The following CACNA2D1 variants were observed in gnomAD, a reference collection of about 807,000 sequenced individuals.
CACNA2D1 encodes the protein calcium voltage-gated channel auxiliary subunit alpha2delta 1.
A neutral mutation model predicts 171.5 loss-of-function variants in CACNA2D1; 53 were observed. The observed-to-expected ratio is 0.31, with a 90% confidence interval of 0.25 to 0.39. The LOEUF is 0.39. CACNA2D1 is among the 10% of genes least tolerant of loss of function. CACNA2D1 has a pLI of 1.00. For synonymous variants in CACNA2D1, 442 were observed against 443.1 expected (o/e 1.00, Z 0.03); for missense variants, 903 against 1,299.8 (o/e 0.69, Z 4.69).
At chr7:82,161,326 G>C (rs1277052362) in intron 4 of CACNA2D1, among the ~76,000 whole-genome samples, 1 of 151,944 alleles carries the variant, frequency 6.6e-6, no homozygotes, top group African/African-American at 2.4e-5. Context: ...AAAATATTTT[G>C]GGGTAGCATG....
intron 3 of CACNA2D1, among the ~76,000 whole-genome samples, chr7:82,230,503 C>T (rs114705694): frequency 0.012 from 1,795 of 152,182 alleles, 30 homozygotes; most frequent in African/African-American, 0.041. Context: ...TCTAAGACTG[C>T]ATATGTTTCA....
intron 4 of CACNA2D1, among the ~76,000 whole-genome samples, chr7:82,144,832 C>T (rs190901764): frequency 2.0e-5 from 3 of 152,076 alleles, no homozygotes; most frequent in East Asian, 1.9e-4. Context: ...ATTTTGATTG[C>T]ATGCTTGAAT....
At chr7:82,204,382 A>G (rs116710535) in intron 3 of CACNA2D1, among the ~76,000 whole-genome samples, 1,632 of 152,288 alleles carry the variant, frequency 0.011, 29 homozygotes, top group African/African-American at 0.037. Context: ...ATGTGGCAAG[A>G]CCTAGGGGAG....
intron 1 of CACNA2D1, among the ~76,000 whole-genome samples, chr7:82,428,096 TAAAAAATAAATA>T (rs917564285): frequency 2.8e-4 from 36 of 127,408 alleles, no homozygotes; most frequent in African/African-American, 1.4e-3. Flanking sequence ...TTTAAAAAAA[TAAAAAATAAATA>T]AAAAAAAAAC....
intron 38 of CACNA2D1, among the ~76,000 whole-genome samples, chr7:81,954,924 T>G (rs1793044395): frequency 1.3e-5 from 2 of 151,608 alleles, no homozygotes; most frequent in Admixed American, 6.6e-5. Context: ...TTAACACTCT[T>G]ACACATTAAC....
chr7:82,258,221 C>A (rs1447425900), intron 3 of CACNA2D1, among the ~76,000 whole-genome samples: 2 of 152,016 alleles, frequency 1.3e-5, no homozygotes, highest in African/African-American at 4.8e-5. Flanking sequence ...ACAGTATGTG[C>A]TCACAATGCC....
chr7:82,099,732 AGCCACCGCGCCCGGCC>A (rs1812438654), intron 6 of CACNA2D1, among the ~76,000 whole-genome samples: 1 of 151,104 alleles, frequency 6.6e-6, no homozygotes, highest in African/African-American at 2.4e-5. Flanking sequence ...TACAGGCGTG[AGCCACCGCGCCCGGCC>A]GCAATACCTT....
intron 6 of CACNA2D1, among the ~76,000 whole-genome samples, chr7:82,087,911 T>TTA (rs1356458055): frequency 6.6e-6 from 1 of 152,116 alleles, no homozygotes; most frequent in Non-Finnish European, 1.5e-5. Flanking sequence ...TAAAACAAGT[T>TTA]TATGTCATTT....
intron 1 of CACNA2D1, among the ~76,000 whole-genome samples, chr7:82,414,103 T>C (rs2129455762): frequency 6.6e-6 from 1 of 152,268 alleles, no homozygotes; most frequent in South Asian, 2.1e-4. Context: ...TTCATTTCAA[T>C]TACAAGATGA....
rs1168085777 is a variant in CACNA2D1 at position 81,959,331 on chromosome 7, C to A, written c.3103G>T (p.Val1035Phe). Residue 1035 changes from valine (V) to phenylalanine (F), a missense_variant, in exon 38 of 39, where the codon GTT becomes TTT. Coordinates refer to ENST00000356860, the MANE Select transcript of CACNA2D1 (RefSeq NM_000722.4). ...TSDGPNPCDM[V>F]KQPRYRKGPD... Reference sequence around the variant, plus strand: ...CCTTTTCGGTATCTGGGTTGCTTAACCATGTCACAAGGATTTGGACCGTCA... The same window carrying A: ...CCTTTTCGGTATCTGGGTTGCTTAAACATGTCACAAGGATTTGGACCGTCA... 1 of 1,611,202 alleles carries A rather than the reference C, an allele frequency of 6.2e-7. No homozygotes were observed. Among genetic ancestry groups the A allele is most frequent in the Non-Finnish European group, 8.5e-7 (1 of 1,177,650 alleles).
rs1797178939 is a variant in CACNA2D1 at position 81,988,289 on chromosome 7, A to G, written c.1796+2896T>C. ...TTAATCCAAAAATTGAAAGGTGGCA[A>G]TAAGGAAGAGGGAGGAAAAAGAGTA... On this transcript the variant is annotated intron_variant, in intron 21 of 38. Transcript: ENST00000356860. Among the ~76,000 whole-genome samples, 3 of 152,300 alleles carry G rather than the reference A, an allele frequency of 2.0e-5. No individual in the cohort carries two copies. The South Asian group carries it at 6.2e-4, about 32-fold the overall frequency.
chr7:82,028,453 G>C (rs1444417631), intron 12 of CACNA2D1: 2 of 151,732 alleles, frequency 1.3e-5, no homozygotes, highest in East Asian at 3.9e-4. Context: ...TGTAGCACAT[G>C]GATCAAGAAC....
intron 4 of CACNA2D1, among the ~76,000 whole-genome samples, chr7:82,158,622 C>T (rs2129127258): frequency 6.6e-6 from 1 of 151,954 alleles, no homozygotes; most frequent in South Asian, 2.1e-4. Context: ...TCAGTGAAGT[C>T]TTAGGTGAAT....
At chr7:82,259,645 G>T (rs1291890901) in intron 3 of CACNA2D1, among the ~76,000 whole-genome samples, 1 of 152,144 alleles carries the variant, frequency 6.6e-6, no homozygotes, top group East Asian at 1.9e-4. Flanking sequence ...ATATTGGAAG[G>T]ATAAAGCTCT....
At chr7:82,073,651 A>C in intron 7 of CACNA2D1, among the ~76,000 whole-genome samples, 1 of 152,122 alleles carries the variant, frequency 6.6e-6, no homozygotes, top group East Asian at 1.9e-4. Flanking sequence ...CCCAGGCGTG[A>C]GTGCAATGGT....
In CACNA2D1 at chr7:82,192,816, C is replaced by CACAA. The variant is rs1554453950; in HGVS notation, c.295-22211_295-22208dup. On this transcript the variant is annotated intron_variant, in intron 3 of 38. Transcript: ENST00000356860. ...CTCTAACTAAACACACACACACACACACAAACACTATACATTTGATCTCCG... is the reference window on the plus strand; with the variant it reads ...CTCTAACTAAACACACACACACACACACAAACAAACACTATACATTTGATCTCCG... 2.0e-5 allele frequency among the ~76,000 whole-genome samples: 3 copies of CACAA among 150,906 alleles called. No individual in the cohort carries two copies. The Admixed American group carries it at 2.0e-4, about 10-fold the overall frequency.
At chr7:81,965,287 C>G (rs1476812090) in intron 32 of CACNA2D1, among the ~76,000 whole-genome samples, 1 of 151,804 alleles carries the variant, frequency 6.6e-6, no homozygotes, top group African/African-American at 2.4e-5. Flanking sequence ...AAATTAGATA[C>G]CATCAACTGA....
intron 10 of CACNA2D1, among the ~76,000 whole-genome samples, chr7:82,038,548 C>G (rs1803583778): frequency 6.6e-6 from 1 of 152,140 alleles, no homozygotes. Context: ...AAAAAATAAT[C>G]CAAAGCAATG....
chr7:82,190,141 G>A (rs1054930171), intron 3 of CACNA2D1, among the ~76,000 whole-genome samples: 3 of 151,742 alleles, frequency 2.0e-5, no homozygotes, highest in Non-Finnish European at 4.4e-5. Context: ...AGTCAGAGAA[G>A]CAAAGTTTTA....
Sources: allele counts gnomAD v4.1 joint callset (sites outside exome capture counted in the v4.1 genomes callset), GRCh38; gene constraint gnomAD v4.1.1; transcripts MANE v1.5; gene names NCBI Gene and HGNC (gene_info 2026-07-23, HGNC 2026-07-21).